The following CCDC7 variants were observed in gnomAD, a reference collection of about 807,000 sequenced individuals.
CCDC7 encodes coiled-coil domain containing 7, also known as coiled-coil domain-containing protein 7.
Under a neutral mutation model 196.9 loss-of-function variants are expected in CCDC7, and 183 were observed. The observed-to-expected ratio is 0.93, with a 90% CI of 0.82 to 1.05. The LOEUF (loss-of-function observed/expected upper bound fraction) is 1.05, where lower values mean the gene tolerates loss of function less well. Ranked by LOEUF, CCDC7 falls within the 50% of genes least tolerant of loss-of-function variation. The pLI, the probability that CCDC7 is intolerant of heterozygous loss-of-function variation, is 0.00. For synonymous variants in CCDC7, 525 were observed against 484.6 expected (o/e 1.08, Z -1.10); for missense variants, 1,540 against 1,482.2 (o/e 1.04, Z -0.64).
chr10:32,443,414 A>G (rs2030459112), upstream of CCDC7, among the ~76,000 whole-genome samples: 1 of 152,316 alleles, frequency 6.6e-6, no homozygotes, highest in Non-Finnish European at 1.5e-5. Context: ...AGAACCCTTC[A>G]CATTATCCCT....
chr10:32,792,918 AG>A (rs754844327), intron 29 of CCDC7, among the ~76,000 whole-genome samples: 54 of 152,200 alleles, frequency 3.5e-4, no homozygotes, highest in Non-Finnish European at 6.6e-4. Context: ...GCAGCAAAAG[AG>A]AAGGAAAAGG....
intron 28 of CCDC7, among the ~76,000 whole-genome samples, chr10:32,745,397 G>T (rs954992860): frequency 6.6e-6 from 1 of 152,214 alleles, no homozygotes; most frequent in Non-Finnish European, 1.5e-5. Flanking sequence ...GTCAGCATCT[G>T]CTTAGGGTCT....
chr10:32,702,785 C>G (rs183064972), intron 24 of CCDC7, among the ~76,000 whole-genome samples: 133 of 152,260 alleles, frequency 8.7e-4, no homozygotes, highest in African/African-American at 3.2e-3. Flanking sequence ...TTCTTTGTCT[C>G]TTTTGATCTT....
chr10:32,666,924 A>C (rs1340731625), intron 21 of CCDC7, among the ~76,000 whole-genome samples: 2 of 152,124 alleles, frequency 1.3e-5, no homozygotes, highest in African/African-American at 2.4e-5. Context: ...TGGTATTTCT[A>C]GTTCTAGATC....
Position 32,689,171 on chromosome 10 carries a change from T to C in CCDC7, c.2344+8T>C, listed in dbSNP as rs777440456. 8 of 1,472,636 alleles carry C rather than the reference T, an allele frequency of 5.4e-6. No individual in the cohort carries two copies. In the South Asian group the frequency reaches 7.3e-5, roughly 14 times the overall value. The allele number at this position is 1,472,636 out of a possible 1,614,324, so 91.2% of individuals were successfully genotyped here. On this transcript the variant is annotated splice_region_variant and intron_variant, in intron 23 of 41. Coordinates refer to ENST00000639629, the Ensembl canonical transcript of CCDC7. ...AAGGGCAAAGAATTATTAGTAAGTA[T>C]AAAAAGTAAAGATAACTTTAAATTA...
intron 16 of CCDC7, among the ~76,000 whole-genome samples, chr10:32,580,249 A>G (rs571298173): frequency 6.6e-5 from 10 of 152,124 alleles, no homozygotes; most frequent in African/African-American, 2.4e-4. Context: ...GCTAGGCAAC[A>G]TTGTCAGCAT....
chr10:32,522,750 A>G (rs1175739849), intron 11 of CCDC7, among the ~76,000 whole-genome samples: 1 of 151,838 alleles, frequency 6.6e-6, no homozygotes, highest in East Asian at 1.9e-4. Context: ...TTGCTTCATT[A>G]GGTTATTTAT....
At chr10:32,713,522 A>G (rs2081145256) in intron 25 of CCDC7, among the ~76,000 whole-genome samples, 1 of 152,348 alleles carries the variant, frequency 6.6e-6, no homozygotes, top group Admixed American at 6.5e-5. Flanking sequence ...TAAATTTCAT[A>G]AGATTACTTC....
rs973198872 is a variant in CCDC7, at chr10:32,822,257, T to C, written c.3182-2261T>C. 5.9e-5 allele frequency among the ~76,000 whole-genome samples: 9 copies of C among 152,184 alleles called. No homozygotes were observed. In the South Asian group the frequency reaches 6.2e-4, roughly 11 times the overall value. ...AATATATATTCCACCTTCTTTCTTTTCTTAATTTATCTAAAAGACAACTGT... is the reference window on the plus strand; with the variant it reads ...AATATATATTCCACCTTCTTTCTTTCCTTAATTTATCTAAAAGACAACTGT... On this transcript the variant is annotated intron_variant, in intron 31 of 41. Transcript: ENST00000639629.
intron 41 of CCDC7, among the ~76,000 whole-genome samples, chr10:32,863,534 G>A (rs2094086411): frequency 6.6e-6 from 1 of 151,684 alleles, no homozygotes. Context: ...TTAATTTTTT[G>A]TAGAGACAGG....
chr10:32,556,582 T>C (rs1032033517), intron 13 of CCDC7, among the ~76,000 whole-genome samples: 1 of 152,202 alleles, frequency 6.6e-6, no homozygotes, highest in African/African-American at 2.4e-5. Context: ...TTTTAAGTCT[T>C]CTATCTTTTT....
intron 9 of CCDC7, among the ~76,000 whole-genome samples, chr10:32,497,622 T>G (rs1393962893): frequency 6.6e-6 from 1 of 152,198 alleles, no homozygotes; most frequent in African/African-American, 2.4e-5. Context: ...AAAGAACATC[T>G]TTATTCCTGC....
intron 18 of CCDC7, among the ~76,000 whole-genome samples, chr10:32,624,781 A>C (rs1033769343): frequency 6.6e-6 from 1 of 151,938 alleles, no homozygotes; most frequent in Non-Finnish European, 1.5e-5. Context: ...TCATATACTT[A>C]CTGGCCATTT....
At chr10:32,800,291 T>C (rs2084504382) in intron 29 of CCDC7, among the ~76,000 whole-genome samples, 1 of 152,184 alleles carries the variant, frequency 6.6e-6, no homozygotes, top group Non-Finnish European at 1.5e-5. Flanking sequence ...TAGAGGCAGT[T>C]CTAATGGCTT....
chr10:32,563,516 C>A (rs998623156), intron 13 of CCDC7, among the ~76,000 whole-genome samples: 50 of 152,282 alleles, frequency 3.3e-4, no homozygotes, highest in African/African-American at 1.2e-3. Context: ...ACTATCTGAT[C>A]TTTGACAAAC....
Position 32,721,777 on chromosome 10 carries a change from AAC to A in CCDC7, c.2570-4955_2570-4954del, listed in dbSNP as rs558880810. Among the ~76,000 whole-genome samples, 246 of 152,206 alleles carry A rather than the reference AAC, an allele frequency of 1.6e-3. 1 individual carries two copies. The highest frequency in any genetic ancestry group is 2.8e-3 in the Non-Finnish European group (193 of 68,004). Reference sequence around the variant, plus strand: ...GTTGCTGCATGTGGGTCAACAGGGCAACAGTTTTTGTTTGGTAGTGTCTGGAC... The same window carrying A: ...GTTGCTGCATGTGGGTCAACAGGGCAAGTTTTTGTTTGGTAGTGTCTGGAC... On this transcript the variant is annotated intron_variant, in intron 25 of 41. Coordinates refer to ENST00000639629, the Ensembl canonical transcript of CCDC7.
chr10:32,848,421 AAG>A (rs1179871164), intron 38 of CCDC7, among the ~76,000 whole-genome samples, 173 bp from the exon 40 acceptor site: 1 of 152,184 alleles, frequency 6.6e-6, no homozygotes, highest in Non-Finnish European at 1.5e-5. Context: ...AAAGACAAGA[AAG>A]AGAAAATGAT....
intron 13 of CCDC7, among the ~76,000 whole-genome samples, chr10:32,550,573 A>T (rs952475012): frequency 6.6e-6 from 1 of 152,048 alleles, no homozygotes; most frequent in African/African-American, 2.4e-5. Flanking sequence ...ACATTATGGT[A>T]TGTCCCTTGT....
intron 16 of CCDC7, among the ~76,000 whole-genome samples, chr10:32,582,109 T>TATATATATATAC (rs1228363021): frequency 6.1e-4 from 17 of 27,980 alleles, no homozygotes; most frequent in African/African-American, 5.1e-3. Context: ...GTCAGCACTA[T>TATATATATATAC]ATATATATAT....
Sources: gnomAD v4.1 joint callset for allele counts (sites outside exome capture counted in the v4.1 genomes callset) on GRCh38, gnomAD v4.1.1 for gene constraint, MANE v1.5 for transcripts, NCBI Gene and HGNC (gene_info 2026-07-23, HGNC 2026-07-21) for gene names.